The following ZC3H12B variants were observed in gnomAD, a reference collection of about 807,000 sequenced individuals.
ZC3H12B encodes zinc finger CCCH-type containing 12B, also known as probable ribonuclease ZC3H12B.
In ZC3H12B, 7 loss-of-function variants were observed where a neutral mutation model predicts 43.9. The ratio of observed to expected loss-of-function variants is 0.16; its 90% CI spans 0.09 to 0.30. ZC3H12B has a LOEUF of 0.30. ZC3H12B is among the 10% of genes least tolerant of loss of function. The pLI is 1.00. For synonymous variants in ZC3H12B, 222 were observed against 241.7 expected (o/e 0.92, Z 0.76); for missense variants, 475 against 670.2 (o/e 0.71, Z 3.22).
chrX:65,040,983 G>C, the ZC3H12B span, among the ~76,000 whole-genome samples: 1 of 111,691 alleles, frequency 9.0e-6, no homozygotes, highest in Non-Finnish European at 1.9e-5. Context: ...TCACCATGTT[G>C]CCTAGGCCAG....
chrX:65,282,940 A>G, the ZC3H12B span, among the ~76,000 whole-genome samples: 21 of 112,007 alleles, frequency 1.9e-4, no homozygotes, highest in East Asian at 3.9e-3. Flanking sequence ...TCCAATCAAT[A>G]GAAAAAGAGG....
upstream of ZC3H12B, among the ~76,000 whole-genome samples, chrX:65,488,289 A>G (rs776360536): frequency 2.7e-4 from 29 of 109,362 alleles, no homozygotes; most frequent in African/African-American, 9.7e-4. Flanking sequence ...ATATGTATGT[A>G]TATATACATA....
the ZC3H12B span, among the ~76,000 whole-genome samples, chrX:65,333,970 T>C: frequency 8.9e-6 from 1 of 111,875 alleles, no homozygotes; most frequent in African/African-American, 3.2e-5. Context: ...TTTACACAAA[T>C]ACAGTCCAAA....
the ZC3H12B span, among the ~76,000 whole-genome samples, chrX:65,230,103 C>T: frequency 3.6e-5 from 4 of 110,948 alleles, no homozygotes; most frequent in Admixed American, 9.6e-5. Context: ...TATTGCGGCA[C>T]TATTCACAAT....
Position 65,368,820 on chromosome X carries a change from T to A in ZC3H12B, n.126-9T>A, listed in dbSNP as rs1387090128. 8.9e-6 allele frequency: 1 copy of A among 112,424 alleles called. No homozygotes were observed. Among genetic ancestry groups the A allele is most frequent in the African/African-American group, 3.2e-5 (1 of 30,940 alleles). The allele number at this position is 112,424 out of a possible 1,213,427, so 9.3% of individuals were successfully genotyped here. ...TTGCCTTCTGCTCATTGAATCTATT[T>A]TACCCAAGGCTATGGACTCCTTTTG... On this transcript the variant is annotated splice_polypyrimidine_tract_variant and intron_variant and non_coding_transcript_variant, in intron 1 of 5. Transcript: ENST00000617377.
At chrX:65,173,935 C>CT in the ZC3H12B span, among the ~76,000 whole-genome samples, 4 of 110,331 alleles carry the variant, frequency 3.6e-5, no homozygotes, top group South Asian at 3.9e-4. Context: ...TGTGGGGGTC[C>CT]TTTTTTTTGA....
the ZC3H12B span, among the ~76,000 whole-genome samples, chrX:65,305,116 C>G: frequency 8.9e-6 from 1 of 111,875 alleles, no homozygotes. Context: ...CACCACACAT[C>G]TATTACACTG....
chrX:65,328,262 G>A, the ZC3H12B span: 2 of 258,909 alleles, frequency 7.7e-6, no homozygotes, highest in Admixed American at 4.3e-5. Flanking sequence ...TGTAGGGTAG[G>A]TGGGTGCCCA....
At chrX:65,071,587 A>G in the ZC3H12B span, among the ~76,000 whole-genome samples, 1 of 111,520 alleles carries the variant, frequency 9.0e-6, no homozygotes, top group African/African-American at 3.3e-5. Context: ...AGTGGCTTGT[A>G]ATGATCTTTC....
chrX:65,200,168 C>T, the ZC3H12B span, among the ~76,000 whole-genome samples: 1 of 111,056 alleles, frequency 9.0e-6, no homozygotes, highest in East Asian at 2.8e-4. Flanking sequence ...GATGGTATCT[C>T]ATTGTGGTTT....
the ZC3H12B span, among the ~76,000 whole-genome samples, chrX:65,294,972 GAACTT>G: frequency 1.8e-5 from 2 of 108,503 alleles, no homozygotes; most frequent in African/African-American, 6.7e-5. Flanking sequence ...AAGAAACAAT[GAACTT>G]AACCTATATC....
chrX:65,190,460 C>G, the ZC3H12B span, among the ~76,000 whole-genome samples: 1 of 110,570 alleles, frequency 9.0e-6, no homozygotes, highest in Non-Finnish European at 1.9e-5. Flanking sequence ...TGTTTGTATC[C>G]TCTTTTATTT....
chrX:65,444,862 A>G (rs972367123), intron 3 of ZC3H12B, among the ~76,000 whole-genome samples: 2 of 111,593 alleles, frequency 1.8e-5, no homozygotes, highest in African/African-American at 6.5e-5. Context: ...GCTATCTTCT[A>G]TATCTTTTTG....
chrX:65,163,573 C>T, the ZC3H12B span, among the ~76,000 whole-genome samples: 11 of 111,719 alleles, frequency 9.8e-5, no homozygotes, highest in East Asian at 5.7e-4. Context: ...ACCCTCTGAG[C>T]TATGTGCGGG....
At chrX:65,100,235 G>T in the ZC3H12B span, among the ~76,000 whole-genome samples, 1 of 110,851 alleles carries the variant, frequency 9.0e-6, no homozygotes, top group South Asian at 3.9e-4. Flanking sequence ...ATGGGACTAT[G>T]TGAAAAGACC....
the ZC3H12B span, among the ~76,000 whole-genome samples, chrX:65,228,767 T>C: frequency 9.0e-6 from 1 of 111,596 alleles, no homozygotes; most frequent in Non-Finnish European, 1.9e-5. Flanking sequence ...AAATCATAAG[T>C]GAACTCCCAT....
At chrX:65,216,670 C>G in the ZC3H12B span, among the ~76,000 whole-genome samples, 2 of 111,629 alleles carry the variant, frequency 1.8e-5, no homozygotes, top group Non-Finnish European at 3.8e-5. Flanking sequence ...TTCCCCACCA[C>G]CAGGCAGTGC....
chrX:65,188,885 C>G, the ZC3H12B span, among the ~76,000 whole-genome samples: 1 of 105,597 alleles, frequency 9.5e-6, no homozygotes, highest in African/African-American at 3.5e-5. Flanking sequence ...CATGCTGGTG[C>G]ACTGCACCCA....
chrX:65,185,288 AT>A, the ZC3H12B span: 1 of 112,264 alleles, frequency 8.9e-6, no homozygotes, highest in Non-Finnish European at 1.9e-5. Context: ...CAAGATCAAA[AT>A]AGCCAACAAA....
Sources: allele counts gnomAD v4.1 joint callset (sites outside exome capture counted in the v4.1 genomes callset), GRCh38; gene constraint gnomAD v4.1.1; transcripts MANE v1.5; gene names NCBI Gene and HGNC (gene_info 2026-07-23, HGNC 2026-07-21).